Variants in DSCAM observed in about 807,000 individuals in gnomAD.
DSCAM encodes cell adhesion molecule DSCAM.
DSCAM carries 47 observed loss-of-function variants against 217.7 expected under a neutral mutation model. The observed-to-expected ratio is 0.22, with a 90% CI of 0.17 to 0.28. The LOEUF is 0.28. Among genes scored for constraint, DSCAM ranks in the 10% least tolerant of loss-of-function variants. The pLI is 1.00. For synonymous variants in DSCAM, 1,056 were observed against 1,015.3 expected, an observed-to-expected ratio of 1.04 and a Z score of -0.76; for missense variants, 2,080 against 2,618.3, an observed-to-expected ratio of 0.79 and a Z score of 4.49.
intron 9 of DSCAM, among the ~76,000 whole-genome samples, chr21:40,307,918 C>T (rs898256690): frequency 7.5e-6 from 1 of 133,862 alleles, no homozygotes; most frequent in Non-Finnish European, 1.5e-5. Context: ...GAACATCACA[C>T]TCTGGGGACT....
chr21:40,031,618 C>T (rs1179113158), intron 32 of DSCAM, among the ~76,000 whole-genome samples: 1 of 152,046 alleles, frequency 6.6e-6, no homozygotes, highest in Non-Finnish European at 1.5e-5. Context: ...AGAAGATGGT[C>T]AGTCACCACC....
At chr21:40,702,188 G>A (rs568517807) in intron 2 of DSCAM, among the ~76,000 whole-genome samples, 2 of 152,062 alleles carry the variant, frequency 1.3e-5, no homozygotes, top group Non-Finnish European at 1.5e-5. Context: ...AACTGCTTTA[G>A]CTCTGAGCAC....
chr21:40,259,561 G>A (rs192578533), intron 11 of DSCAM, among the ~76,000 whole-genome samples: 14 of 147,654 alleles, frequency 9.5e-5, no homozygotes, highest in Admixed American at 8.8e-4. Context: ...GAAGTTAAAA[G>A]TTACCTCCAT....
intron 3 of DSCAM, among the ~76,000 whole-genome samples, chr21:40,505,457 A>G (rs941371121): frequency 1.3e-5 from 2 of 152,214 alleles, no homozygotes; most frequent in African/African-American, 4.8e-5. Context: ...AGAAAAAAAA[A>G]AAGTCTGGTA....
intron 3 of DSCAM, among the ~76,000 whole-genome samples, chr21:40,502,279 C>T (rs2076175652): frequency 2.0e-5 from 3 of 152,156 alleles, no homozygotes; most frequent in African/African-American, 4.8e-5. Flanking sequence ...TTGCTATGGA[C>T]ACAAATCTAG....
At chr21:40,229,997 T>G (rs2091367397) in intron 11 of DSCAM, among the ~76,000 whole-genome samples, 1 of 152,232 alleles carries the variant, frequency 6.6e-6, no homozygotes, top group African/African-American at 2.4e-5. Context: ...TGTCAGCAAT[T>G]GATACTATCA....
chr21:40,764,866 C>T (rs56768452), intron 1 of DSCAM, among the ~76,000 whole-genome samples: 11,273 of 152,078 alleles, frequency 0.074, 514 homozygotes, highest in Non-Finnish European at 0.088. Flanking sequence ...AACCAAACAC[C>T]ACATGTTCTC....
chr21:40,433,024 C>G (rs1569120933), intron 3 of DSCAM, among the ~76,000 whole-genome samples: 1 of 151,786 alleles, frequency 6.6e-6, no homozygotes, highest in African/African-American at 2.4e-5. Context: ...TTTACAGATA[C>G]AAAAAAAATC....
At chr21:40,061,500 C>T (rs1413222588) in intron 28 of DSCAM, among the ~76,000 whole-genome samples, 3 of 148,530 alleles carry the variant, frequency 2.0e-5, no homozygotes, top group African/African-American at 7.5e-5. Context: ...ACCTCTGAGG[C>T]GGAGGTTGCA....
At chr21:40,078,116 C>T (rs891832144) in intron 26 of DSCAM, among the ~76,000 whole-genome samples, 4 of 152,176 alleles carry the variant, frequency 2.6e-5, no homozygotes, top group Admixed American at 2.0e-4. Flanking sequence ...AGACACCTCA[C>T]CTAGTTTTTG....
chr21:40,685,580 C>T (rs901939216), intron 3 of DSCAM, among the ~76,000 whole-genome samples: 1 of 152,172 alleles, frequency 6.6e-6, no homozygotes, highest in Non-Finnish European at 1.5e-5. Flanking sequence ...CTAGTGATTC[C>T]ACAGGGAGAA....
At chr21:40,765,935 G>C (rs965765469) in intron 1 of DSCAM, among the ~76,000 whole-genome samples, 1 of 152,210 alleles carries the variant, frequency 6.6e-6, no homozygotes, top group Admixed American at 6.5e-5. Context: ...GCCCTGTGCT[G>C]CTGATGGGAA....
chr21:40,789,602 C>T (rs952153825), intron 1 of DSCAM, among the ~76,000 whole-genome samples: 1 of 143,392 alleles, frequency 7.0e-6, no homozygotes, highest in African/African-American at 2.6e-5. Context: ...GTTGCCCAGG[C>T]TGGAGTGCAG....
rs71186936 is a variant in DSCAM at position 40,428,234 on chromosome 21, T to TTGTGTGTGTGTG, written c.509-59001_509-58990dup. On this transcript the variant is annotated intron_variant, in intron 3 of 32. Coordinates refer to ENST00000400454, the MANE Select transcript of DSCAM (RefSeq NM_001389.5). ...CTGTGTGACCATGAGGGCAAATACT[T>TTGTGTGTGTGTG]TGTGTGTGTGTGTGTGTGTGTGTGT... 1.7e-4 allele frequency among the ~76,000 whole-genome samples: 22 copies of TTGTGTGTGTGTG among 129,350 alleles called. No individual in the cohort carries two copies. In the East Asian group the frequency reaches 2.1e-3, roughly 12 times the overall value. 84.9% of individuals were successfully genotyped at this position (129,350 alleles called of 152,430 possible).
At chr21:40,027,082 A>G (rs1164406299) in intron 32 of DSCAM, among the ~76,000 whole-genome samples, 2 of 152,298 alleles carry the variant, frequency 1.3e-5, no homozygotes, top group African/African-American at 4.8e-5. Context: ...GTAGTGACAA[A>G]ATCTCTCAGC....
At chr21:40,498,498 C>T (rs1021761966) in intron 3 of DSCAM, among the ~76,000 whole-genome samples, 2 of 151,152 alleles carry the variant, frequency 1.3e-5, no homozygotes, top group African/African-American at 4.9e-5. Context: ...TCTGTATAAA[C>T]CAGCAAGATT....
intron 8 of DSCAM, among the ~76,000 whole-genome samples, chr21:40,337,192 C>T (rs2074437548): frequency 6.6e-6 from 1 of 152,066 alleles, no homozygotes; most frequent in Admixed American, 6.6e-5. Context: ...CACAGGAAAC[C>T]TATGCAACTT....
At chr21:40,606,159 C>T (rs1190327439) in intron 3 of DSCAM, among the ~76,000 whole-genome samples, 1 of 152,112 alleles carries the variant, frequency 6.6e-6, no homozygotes, top group East Asian at 1.9e-4. Context: ...AACAAATACT[C>T]TACTTTAGAT....
intron 3 of DSCAM, among the ~76,000 whole-genome samples, chr21:40,685,054 T>C (rs144709093): frequency 1.3e-5 from 2 of 152,314 alleles, no homozygotes; most frequent in East Asian, 3.9e-4. Context: ...TAAAATAATT[T>C]GGGATGAGAC....
Sources: gnomAD v4.1 joint callset for allele counts (sites outside exome capture counted in the v4.1 genomes callset) on GRCh38, gnomAD v4.1.1 for gene constraint, MANE v1.5 for transcripts, NCBI Gene and HGNC (gene_info 2026-07-23, HGNC 2026-07-21) for gene names.